CDYL: variants seen among roughly 807,000 people sequenced by gnomAD.
The protein encoded by CDYL is chromodomain Y like.
In CDYL, 8 loss-of-function variants were observed where a neutral mutation model predicts 47.3. The observed-to-expected ratio is 0.17, with a 90% CI of 0.10 to 0.31. The LOEUF (loss-of-function observed/expected upper bound fraction) is 0.31, where lower values mean the gene tolerates loss of function less well. Among genes scored for constraint, CDYL ranks in the 10% least tolerant of loss-of-function variants. The pLI, the probability that CDYL is intolerant of heterozygous loss-of-function variation, is 1.00. For missense variants in CDYL, 471 were observed against 701.4 expected (o/e 0.67, Z 3.71); for synonymous variants, 266 against 265.0 (o/e 1.00, Z -0.04).
chr6:4,755,790 A>G (rs1352291027), intron 3 of CDYL, among the ~76,000 whole-genome samples: 2 of 152,218 alleles, frequency 1.3e-5, no homozygotes, highest in African/African-American at 4.8e-5. Context: ...AGAGAGGTAA[A>G]GAAAGTATAC....
At chr6:4,854,532 T>C (rs1484992869) in intron 1 of CDYL, among the ~76,000 whole-genome samples, 2 of 152,138 alleles carry the variant, frequency 1.3e-5, no homozygotes, top group African/African-American at 4.8e-5. Flanking sequence ...CAGTGGTGTC[T>C]AGAGAGAGGA....
chr6:4,821,801 T>C (rs1759847173), intron 1 of CDYL, among the ~76,000 whole-genome samples: 1 of 152,104 alleles, frequency 6.6e-6, no homozygotes, highest in South Asian at 2.1e-4. Flanking sequence ...TTACCAGATT[T>C]AAAGCATGCT....
At chr6:4,867,791 T>C (rs1352568513) in intron 1 of CDYL, among the ~76,000 whole-genome samples, 1 of 149,470 alleles carries the variant, frequency 6.7e-6, no homozygotes, top group Non-Finnish European at 1.5e-5. Context: ...TTTTTTTTGG[T>C]AAAAAAGATT....
chr6:4,798,707 C>G (rs905199475), intron 1 of CDYL, among the ~76,000 whole-genome samples: 1 of 152,200 alleles, frequency 6.6e-6, no homozygotes, highest in African/African-American at 2.4e-5. Context: ...AGCACTTTCT[C>G]TGTTTCTCAA....
intron 1 of CDYL, among the ~76,000 whole-genome samples, chr6:4,800,063 T>C (rs1389523841): frequency 6.6e-6 from 1 of 152,194 alleles, no homozygotes; most frequent in African/African-American, 2.4e-5. Context: ...AATTGTTCTT[T>C]AGAAACCAGA....
At chr6:4,919,315 AAAG>A (rs998074555) in intron 2 of CDYL, among the ~76,000 whole-genome samples, 8 of 152,186 alleles carry the variant, frequency 5.3e-5, no homozygotes, top group African/African-American at 9.7e-5. Context: ...ATAAAAAAAA[AAAG>A]AAGTAAGAGT....
chr6:4,870,664 TC>T (rs1342538462), intron 1 of CDYL, among the ~76,000 whole-genome samples: 15 of 152,176 alleles, frequency 9.9e-5, no homozygotes, highest in African/African-American at 3.6e-4. Flanking sequence ...TGTTGCTGTT[TC>T]CCCACTCTCT....
chr6:4,940,594 T>A (rs1350374466), intron 4 of CDYL, among the ~76,000 whole-genome samples: 7 of 152,342 alleles, frequency 4.6e-5, no homozygotes, highest in Non-Finnish European at 2.9e-5. Flanking sequence ...TGCAGGGTAA[T>A]TGCAACAAAA....
At chr6:4,939,574 T>C (rs1231115753) in intron 4 of CDYL, among the ~76,000 whole-genome samples, 7 of 152,292 alleles carry the variant, frequency 4.6e-5, no homozygotes, top group South Asian at 4.2e-4. Context: ...TCAGAAGTGG[T>C]TTGAAATTTT....
At chr6:4,945,015 C>A (rs752181784) in intron 5 of CDYL, among the ~76,000 whole-genome samples, 17 of 152,108 alleles carry the variant, frequency 1.1e-4, no homozygotes, top group Non-Finnish European at 2.2e-4. Context: ...CCGCAGTGCT[C>A]CACCAAAGCG....
chr6:4,819,162 C>CTCTCTCTCTCTCTCTCTG (rs1016051589), intron 1 of CDYL, among the ~76,000 whole-genome samples: 4 of 111,944 alleles, frequency 3.6e-5, no homozygotes, highest in Admixed American at 8.6e-5. Context: ...CTCTCTCTCT[C>CTCTCTCTCTCTCTCTCTG]TGTGTGTGTG....
chr6:4,763,691 C>T (rs1280091267), intron 3 of CDYL, among the ~76,000 whole-genome samples: 1 of 152,014 alleles, frequency 6.6e-6, no homozygotes, highest in Non-Finnish European at 1.5e-5. Context: ...ATCTGTAGTC[C>T]CAGCACTTTG....
At chr6:4,894,973 ATG>A (rs1241823594) in intron 2 of CDYL, among the ~76,000 whole-genome samples, 13 of 150,120 alleles carry the variant, frequency 8.7e-5, no homozygotes, top group Admixed American at 3.9e-4. Flanking sequence ...GTATGTGTAT[ATG>A]TGTATGCATA....
intron 3 of CDYL, among the ~76,000 whole-genome samples, chr6:4,737,862 G>A (rs529830167): frequency 9.2e-5 from 14 of 152,078 alleles, no homozygotes; most frequent in Non-Finnish European, 2.1e-4. Context: ...ACGGACAAAT[G>A]TTTAAAAACG....
At chr6:4,932,823 T>C (rs1236152198) in intron 2 of CDYL, among the ~76,000 whole-genome samples, 1 of 152,188 alleles carries the variant, frequency 6.6e-6, no homozygotes, top group African/African-American at 2.4e-5. Context: ...GTCACCTAAG[T>C]GGCAATGTCA....
intron 1 of CDYL, among the ~76,000 whole-genome samples, chr6:4,793,568 A>G (rs571670184): frequency 3.3e-5 from 5 of 152,158 alleles, no homozygotes; most frequent in Non-Finnish European, 5.9e-5. Context: ...GCCATGAAGG[A>G]ATGATGTAAT....
Position 4,930,478 on chromosome 6 carries a change from A to G in CDYL, c.692-5037A>G, listed in dbSNP as rs568404640. Among the ~76,000 whole-genome samples the G allele has an allele frequency of 2.6e-5, 4 of 152,314 alleles. No homozygotes were observed. In the East Asian group the frequency reaches 7.7e-4, roughly 29 times the overall value. Reference sequence around the variant, plus strand: ...ACTGTGGCAGCTGCTTTCGGTGGAAAGGCGGGTGGACTGTTAGGCTCACCA... The same window carrying G: ...ACTGTGGCAGCTGCTTTCGGTGGAAGGGCGGGTGGACTGTTAGGCTCACCA... On this transcript the variant is annotated intron_variant, in intron 2 of 6. Coordinates refer to ENST00000397588, the MANE Select transcript of CDYL (RefSeq NM_004824.4).
intron 2 of CDYL, among the ~76,000 whole-genome samples, chr6:4,933,462 T>C (rs1758091340): frequency 6.6e-6 from 1 of 152,132 alleles, no homozygotes; most frequent in African/African-American, 2.4e-5. Flanking sequence ...TTCCTGGCCA[T>C]GTGGACTCTG....
chr6:4,763,026 T>C (rs1479649446), intron 3 of CDYL, among the ~76,000 whole-genome samples: 2 of 151,628 alleles, frequency 1.3e-5, no homozygotes, highest in African/African-American at 2.4e-5. Context: ...GAGAAAATGG[T>C]AAAAATAGCA....
Sources: gnomAD v4.1 joint callset for allele counts (sites outside exome capture counted in the v4.1 genomes callset) on GRCh38, gnomAD v4.1.1 for gene constraint, MANE v1.5 for transcripts, NCBI Gene and HGNC (gene_info 2026-07-23, HGNC 2026-07-21) for gene names.